NLK: variants seen among roughly 807,000 people sequenced by gnomAD.
NLK encodes the protein nemo like kinase.
A neutral mutation model predicts 59.0 loss-of-function variants in NLK; 11 were observed. That is an observed-to-expected ratio of 0.19 (90% CI 0.12 to 0.31). The LOEUF (loss-of-function observed/expected upper bound fraction) is 0.31. NLK is among the 10% of genes least tolerant of loss of function. NLK has a pLI of 1.00. For synonymous variants in NLK, 235 were observed against 235.9 expected, an observed-to-expected ratio of 1.00 and a Z score of 0.03; for missense variants, 410 against 661.1, an observed-to-expected ratio of 0.62 and a Z score of 4.16.
chr17:28,111,860 C>T (rs1376192029), intron 1 of NLK, among the ~76,000 whole-genome samples: 4 of 62,296 alleles, frequency 6.4e-5, no homozygotes, highest in African/African-American at 2.6e-4. Context: ...AAGGCTTATA[C>T]CGTGTGTGTG....
chr17:28,148,587 G>A (rs1027744397), intron 3 of NLK, among the ~76,000 whole-genome samples: 6 of 151,994 alleles, frequency 3.9e-5, no homozygotes, highest in South Asian at 4.2e-4. Flanking sequence ...TCAGTCATTG[G>A]CCAAAAGGGT....
At chr17:28,194,455 GAAAC>G (rs1909415128) in intron 10 of NLK, 123 bp from the exon 11 acceptor site, 5 of 667,482 alleles carry the variant, frequency 7.5e-6, no homozygotes, top group Non-Finnish European at 1.0e-5. Flanking sequence ...CAACTTCAAA[GAAAC>G]AAATAAAAAT....
intron 3 of NLK, among the ~76,000 whole-genome samples, chr17:28,154,175 C>G (rs1187957357): frequency 6.6e-6 from 1 of 152,186 alleles, no homozygotes; most frequent in Non-Finnish European, 1.5e-5. Context: ...CAGGTTGATT[C>G]TTGCTACAGA....
chr17:28,168,933 TG>T (rs1041182092), intron 6 of NLK, among the ~76,000 whole-genome samples: 2 of 152,220 alleles, frequency 1.3e-5, no homozygotes, highest in African/African-American at 4.8e-5. Context: ...TTGCCCAGGC[TG>T]GAGTGCAATG....
At chr17:28,189,183 C>A (rs976996525) in intron 8 of NLK, among the ~76,000 whole-genome samples, 3 of 152,182 alleles carry the variant, frequency 2.0e-5, no homozygotes, top group African/African-American at 7.2e-5. Flanking sequence ...CTTCCCCAAG[C>A]ATATCCAGAT....
intron 1 of NLK, among the ~76,000 whole-genome samples, chr17:28,063,487 A>G (rs979104583): frequency 3.9e-5 from 6 of 152,182 alleles, no homozygotes; most frequent in African/African-American, 1.4e-4. Flanking sequence ...TTTAAAAAAC[A>G]ATCAATTTTT....
intron 1 of NLK, among the ~76,000 whole-genome samples, chr17:28,115,531 A>T (rs1215098646): frequency 6.6e-6 from 1 of 152,198 alleles, no homozygotes; most frequent in Non-Finnish European, 1.5e-5. Context: ...ATATTACACT[A>T]TGTAAATTAC....
At chr17:28,186,194 A>G (rs966136778) in intron 8 of NLK, among the ~76,000 whole-genome samples, 4 of 152,242 alleles carry the variant, frequency 2.6e-5, no homozygotes, top group Non-Finnish European at 5.9e-5. Flanking sequence ...TTAAGTTTAC[A>G]TTGGTCCATT....
chr17:28,177,379 A>G lies in NLK; in HGVS notation c.1149+4761A>G, dbSNP rs78736833. 5.4e-3 allele frequency among the ~76,000 whole-genome samples: 815 copies of G among 152,334 alleles called. 13 individuals are homozygous for G. Among genetic ancestry groups the G allele is most frequent in the African/African-American group, 0.018 (743 of 41,572 alleles). The stretch of plus-strand genomic sequence containing the variant: ...TGTGTTGGTTAATATAAATGCTTCT[A>G]TGTGGCATGTTTAGTCAAGACTCTT... On this transcript the variant is annotated intron_variant, in intron 7 of 10. Coordinates refer to ENST00000407008, the MANE Select transcript of NLK (RefSeq NM_016231.5).
At chr17:28,166,892 T>G (rs929031873) in intron 5 of NLK, among the ~76,000 whole-genome samples, 2 of 152,232 alleles carry the variant, frequency 1.3e-5, no homozygotes, top group Non-Finnish European at 2.9e-5. Flanking sequence ...ATATAACAAG[T>G]ACTAACTTAA....
chr17:28,197,882 C>A (rs1334937468), downstream of NLK, among the ~76,000 whole-genome samples: 1 of 152,092 alleles, frequency 6.6e-6, no homozygotes, highest in Non-Finnish European at 1.5e-5. Context: ...TCACCAAAGG[C>A]AGTTCTAAAG....
downstream of NLK, among the ~76,000 whole-genome samples, chr17:28,201,136 G>A (rs553695431): frequency 6.6e-6 from 1 of 152,302 alleles, no homozygotes; most frequent in Admixed American, 6.5e-5. Flanking sequence ...CTGGCATGCA[G>A]TGGGTGTGAT....
rs35755478 is a variant in NLK at position 28,174,134 on chromosome 17, G to A, written c.1149+1516G>A. On this transcript the variant is annotated intron_variant, in intron 7 of 10. Coordinates refer to ENST00000407008, the MANE Select transcript of NLK (RefSeq NM_016231.5). The stretch of plus-strand genomic sequence containing the variant: ...CTGTGCACTGCTCTGAGCATTCCTG[G>A]CAATTGAGTACTTTTTCTGTGAAAA... Among the ~76,000 whole-genome samples the A allele has an allele frequency of 9.9e-3, 1,514 of 152,232 alleles. 30 individuals are homozygous for A. The highest frequency in any genetic ancestry group is 0.035 in the African/African-American group (1,449 of 41,522).
At position 28,153,733 on chromosome 17, in the gene NLK, C is replaced by G. The variant is rs112183518; in HGVS notation, c.645-7427C>G. On this transcript the variant is annotated intron_variant, in intron 3 of 10. Coordinates refer to ENST00000407008, the MANE Select transcript of NLK (RefSeq NM_016231.5). ...TGGTCCTTTGTTTCCTCTCCCTTGA[C>G]AATTCTGGAACCAGTGCAACTCAAG... is the stretch of plus-strand genomic sequence containing the variant. Among the ~76,000 whole-genome samples, 1,004 of 152,270 alleles carry G rather than the reference C, an allele frequency of 6.6e-3. 17 individuals carry two copies. The highest frequency in any genetic ancestry group is 0.022 in the African/African-American group (935 of 41,558).
chr17:28,115,305 C>T (rs1454154438), intron 1 of NLK, among the ~76,000 whole-genome samples: 3 of 152,164 alleles, frequency 2.0e-5, no homozygotes, highest in Non-Finnish European at 2.9e-5. Flanking sequence ...AGCCAGTTGG[C>T]AAAACCAAAA....
chr17:28,165,785 C>T (rs1317442622), intron 5 of NLK, among the ~76,000 whole-genome samples: 1 of 151,778 alleles, frequency 6.6e-6, no homozygotes, highest in Non-Finnish European at 1.5e-5. Flanking sequence ...AACAGAAGGC[C>T]TTTTTTTGTT....
the NLK span, among the ~76,000 whole-genome samples, chr17:28,205,540 A>G: frequency 6.6e-6 from 1 of 152,232 alleles, no homozygotes. Context: ...CCAGTAAAAA[A>G]TCACTTTGTG....
At chr17:28,127,052 G>A (rs1906317783) in intron 2 of NLK, among the ~76,000 whole-genome samples, 1 of 152,024 alleles carries the variant, frequency 6.6e-6, no homozygotes, top group Non-Finnish European at 1.5e-5. Flanking sequence ...GCCCCCTTAG[G>A]GTCTATTGAT....
At chr17:28,125,031 A>G (rs1207080885) in intron 2 of NLK, among the ~76,000 whole-genome samples, 1 of 152,060 alleles carries the variant, frequency 6.6e-6, no homozygotes, top group African/African-American at 2.4e-5. Context: ...CTGGGCACAG[A>G]GCAAGATATC....
Sources: gnomAD v4.1 joint callset for allele counts (sites outside exome capture counted in the v4.1 genomes callset) on GRCh38, gnomAD v4.1.1 for gene constraint, MANE v1.5 for transcripts, NCBI Gene and HGNC (gene_info 2026-07-23, HGNC 2026-07-21) for gene names.